The following MYRIP variants were observed in gnomAD, a reference collection of about 807,000 sequenced individuals.
The protein encoded by MYRIP is rab effector MyRIP.
A neutral mutation model predicts 98.0 loss-of-function variants in MYRIP; 49 were observed. That is an observed-to-expected ratio of 0.50 (90% CI 0.40 to 0.63). MYRIP has a LOEUF of 0.63. MYRIP is among the 30% of genes least tolerant of loss of function. The pLI is 0.00. For missense variants in MYRIP, 1,004 were observed against 1,058.2 expected, an observed-to-expected ratio of 0.95 and a Z score of 0.71; for synonymous variants, 404 against 409.5, an observed-to-expected ratio of 0.99 and a Z score of 0.16.
At chr3:39,897,963 T>TCACCTTCCAGGAAACTCCAAAATGC (rs1402746036) in intron 1 of MYRIP, among the ~76,000 whole-genome samples, 1 of 152,050 alleles carries the variant, frequency 6.6e-6, no homozygotes, top group East Asian at 1.9e-4. Context: ...AACAGAAATG[T>TCACCTTCCAGGAAACTCCAAAATGC]CACCTTCCAG....
chr3:39,848,599 G>A (rs4676453), intron 1 of MYRIP, among the ~76,000 whole-genome samples: 38,636 of 152,140 alleles, frequency 0.25, 5,181 homozygotes, highest in Middle Eastern at 0.32. Flanking sequence ...ATGTAAGAAA[G>A]GAGGCTAAGC....
intron 1 of MYRIP, among the ~76,000 whole-genome samples, chr3:39,817,031 A>G (rs1940941282): frequency 6.6e-6 from 1 of 152,202 alleles, no homozygotes; most frequent in Non-Finnish European, 1.5e-5. Context: ...TCTGCCTACT[A>G]AGCATCATTT....
intron 2 of MYRIP, among the ~76,000 whole-genome samples, chr3:40,029,759 T>C (rs919395598): frequency 2.0e-5 from 3 of 151,972 alleles, no homozygotes; most frequent in Non-Finnish European, 2.9e-5. Context: ...GGACAAATAA[T>C]CTAATATAGA....
chr3:40,167,337 G>T, intron 7 of MYRIP, 98 bp downstream of exon 7: 2 of 1,090,480 alleles, frequency 1.8e-6, no homozygotes, highest in Non-Finnish European at 2.7e-6. Context: ...AGTGTCTCTA[G>T]CACTGTATCT....
At chr3:39,841,590 T>C (rs1941801806) in intron 1 of MYRIP, among the ~76,000 whole-genome samples, 1 of 152,194 alleles carries the variant, frequency 6.6e-6, no homozygotes, top group Non-Finnish European at 1.5e-5. Flanking sequence ...TCTTTGTGGA[T>C]TTATCTGCCT....
rs140550637 is a variant in MYRIP, at chr3:40,212,069, A to C, written c.1905+1976A>C. On this transcript the variant is annotated intron_variant, in intron 11 of 16. Coordinates refer to ENST00000302541, the MANE Select transcript of MYRIP (RefSeq NM_015460.4). ...ATTCAAACATATTCTTTTGCATGTA[A>C]AAGTCCATATAGCCATATATATATA... is the stretch of plus-strand genomic sequence containing the variant. Among the ~76,000 whole-genome samples the C allele has an allele frequency of 2.0e-5, 3 of 150,184 alleles. No homozygotes were observed. The East Asian group carries it at 5.9e-4, about 29-fold the overall frequency.
At chr3:39,958,476 A>T (rs1945229238) in intron 2 of MYRIP, among the ~76,000 whole-genome samples, 1 of 152,206 alleles carries the variant, frequency 6.6e-6, no homozygotes. Context: ...GGCTAGCCAT[A>T]TGCAGAAAGC....
intron 3 of MYRIP, among the ~76,000 whole-genome samples, chr3:40,098,740 TTGTGTGTG>T (rs3063561): frequency 1.3e-4 from 17 of 135,280 alleles, no homozygotes; most frequent in Middle Eastern, 4.1e-3. Flanking sequence ...GTCTCTCTCA[TTGTGTGTG>T]TGTGTGTGTG....
At chr3:39,867,036 T>A (rs533576686) in intron 1 of MYRIP, among the ~76,000 whole-genome samples, 7 of 152,120 alleles carry the variant, frequency 4.6e-5, no homozygotes, top group African/African-American at 1.7e-4. Context: ...CATATATAGA[T>A]AACTAATACC....
At chr3:39,887,566 A>G (rs948201568) in intron 1 of MYRIP, among the ~76,000 whole-genome samples, 5 of 152,206 alleles carry the variant, frequency 3.3e-5, no homozygotes, top group Admixed American at 2.0e-4. Context: ...CCCACAGCCA[A>G]TATCATACTG....
intron 3 of MYRIP, among the ~76,000 whole-genome samples, chr3:40,104,318 C>T (rs1463785119): frequency 6.6e-6 from 1 of 152,128 alleles, no homozygotes; most frequent in Non-Finnish European, 1.5e-5. Context: ...AAACATAGAT[C>T]ATTTTTGCTA....
chr3:40,077,487 C>T (rs1348659367), intron 3 of MYRIP, among the ~76,000 whole-genome samples: 2 of 152,144 alleles, frequency 1.3e-5, no homozygotes, highest in Non-Finnish European at 2.9e-5. Context: ...CTCCAAGGCC[C>T]CACCAGATTA....
At chr3:40,201,582 C>T (rs1951560433) in intron 10 of MYRIP, among the ~76,000 whole-genome samples, 1 of 152,178 alleles carries the variant, frequency 6.6e-6, no homozygotes, top group African/African-American at 2.4e-5. Flanking sequence ...AGTCCCCATA[C>T]CTTCTGTGCA....
intron 2 of MYRIP, among the ~76,000 whole-genome samples, chr3:40,012,784 C>G (rs1029530828): frequency 2.6e-5 from 4 of 152,168 alleles, no homozygotes; most frequent in African/African-American, 7.2e-5. Flanking sequence ...TTCCCTGGTT[C>G]TCAGGCCTTA....
At chr3:39,888,452 G>T (rs1429891980) in intron 1 of MYRIP, among the ~76,000 whole-genome samples, 1 of 152,014 alleles carries the variant, frequency 6.6e-6, no homozygotes, top group Non-Finnish European at 1.5e-5. Flanking sequence ...TTAATAAATG[G>T]TGCTGGGAAA....
intron 2 of MYRIP, among the ~76,000 whole-genome samples, chr3:39,960,836 T>C (rs1002310703): frequency 1.3e-5 from 2 of 152,170 alleles, no homozygotes; most frequent in Non-Finnish European, 2.9e-5. Context: ...TTTTAAACAA[T>C]TGCATTTCTT....
At position 40,094,695 on chromosome 3, in the gene MYRIP, T is replaced by C. The variant is rs1420689556; in HGVS notation, c.332+50424T>C. On this transcript the variant is annotated intron_variant, in intron 3 of 16. Coordinates refer to ENST00000302541, the MANE Select transcript of MYRIP (RefSeq NM_015460.4). ...CAGCCAGGCCTCTATGGATTACCAGTGACAGAAAACTCAACCTCGCTTAAA... is the reference window on the plus strand; with the variant it reads ...CAGCCAGGCCTCTATGGATTACCAGCGACAGAAAACTCAACCTCGCTTAAA... Among the ~76,000 whole-genome samples, 4 of 152,294 alleles carry C rather than the reference T, an allele frequency of 2.6e-5. No homozygotes were observed. In the South Asian group the frequency reaches 8.3e-4, roughly 32 times the overall value.
intron 1 of MYRIP, among the ~76,000 whole-genome samples, chr3:39,833,273 C>T (rs9815861): frequency 0.25 from 37,781 of 151,968 alleles, 4,823 homozygotes; most frequent in South Asian, 0.32. Flanking sequence ...TAATATCTTT[C>T]GCGTTTTATA....
chr3:39,871,658 A>G (rs1403083400), intron 1 of MYRIP, among the ~76,000 whole-genome samples: 1 of 152,102 alleles, frequency 6.6e-6, no homozygotes, highest in African/African-American at 2.4e-5. Context: ...AAAATAACAC[A>G]TTCCACAAAA....
Sources: gnomAD v4.1 joint callset for allele counts (sites outside exome capture counted in the v4.1 genomes callset) on GRCh38, gnomAD v4.1.1 for gene constraint, MANE v1.5 for transcripts, NCBI Gene and HGNC (gene_info 2026-07-23, HGNC 2026-07-21) for gene names.